The following PRKAR2B variants were observed in gnomAD, a reference collection of about 807,000 sequenced individuals.
The protein encoded by PRKAR2B is protein kinase cAMP-dependent type II regulatory subunit beta.
Under a neutral mutation model 49.9 loss-of-function variants are expected in PRKAR2B, and 14 were observed. That is an observed-to-expected ratio of 0.28 (90% CI 0.19 to 0.44). The LOEUF is 0.44. Ranked by LOEUF, PRKAR2B falls within the 20% of genes least tolerant of loss-of-function variation. The probability of loss-of-function intolerance (pLI) is 1.00; values close to 1 mark genes in which losing one functional copy is unlikely to be tolerated. For synonymous variants in PRKAR2B, 196 were observed against 197.7 expected, an observed-to-expected ratio of 0.99 and a Z score of 0.07; for missense variants, 393 against 537.9, an observed-to-expected ratio of 0.73 and a Z score of 2.67.
In PRKAR2B at chr7:107,094,971, A is replaced by T. The variant is rs190819420; in HGVS notation, c.343+24655A>T. ...TCCAGCTTTGTTCTTTTGACTTAGG[A>T]TTGTCTTGGCAATACGGGCTCTTTT... is the stretch of plus-strand genomic sequence containing the variant. On this transcript the variant is annotated intron_variant, in intron 2 of 10. Coordinates refer to ENST00000265717, the MANE Select transcript of PRKAR2B (RefSeq NM_002736.3). Among the ~76,000 whole-genome samples the T allele has an allele frequency of 3.7e-4, 57 of 152,112 alleles. No homozygotes were observed. The East Asian group carries it at 8.3e-3, about 22-fold the overall frequency.
At chr7:107,068,675 A>T (rs1024672754) in intron 1 of PRKAR2B, 1 of 152,122 alleles carries the variant, frequency 6.6e-6, no homozygotes, top group Non-Finnish European at 1.5e-5. Flanking sequence ...TATCTTGATA[A>T]TTGGGTTTAT....
chr7:107,080,153 G>A (rs1794488536), intron 2 of PRKAR2B, among the ~76,000 whole-genome samples: 2 of 152,152 alleles, frequency 1.3e-5, no homozygotes, highest in African/African-American at 4.8e-5. Flanking sequence ...TCTGTATGCC[G>A]TGGCTCTCGG....
chr7:107,094,842 G>C (rs979508158), intron 2 of PRKAR2B, among the ~76,000 whole-genome samples: 4 of 151,982 alleles, frequency 2.6e-5, no homozygotes, highest in Non-Finnish European at 5.9e-5. Context: ...ATTTCTGAGG[G>C]CTCTGTTCTG....
intron 1 of PRKAR2B, among the ~76,000 whole-genome samples, chr7:107,066,301 G>GGGGGGGTGT (rs147673007): frequency 5.4e-4 from 78 of 145,602 alleles, no homozygotes; most frequent in South Asian, 3.5e-3. Context: ...CTCTATGTGG[G>GGGGGGGTGT]GTGTGTGTGT....
chr7:107,065,534 C>G (rs1794121817), intron 1 of PRKAR2B, among the ~76,000 whole-genome samples: 1 of 152,124 alleles, frequency 6.6e-6, no homozygotes, highest in Admixed American at 6.6e-5. Flanking sequence ...ATTTCTCTTT[C>G]ACCTGCGGTA....
At chr7:107,051,578 T>G (rs1188172272) in intron 1 of PRKAR2B, among the ~76,000 whole-genome samples, 1 of 152,224 alleles carries the variant, frequency 6.6e-6, no homozygotes, top group East Asian at 1.9e-4. Flanking sequence ...TCAGACGGTT[T>G]CATTATGTAA....
chr7:107,059,625 A>G (rs1448622938), intron 1 of PRKAR2B, among the ~76,000 whole-genome samples: 1 of 151,926 alleles, frequency 6.6e-6, no homozygotes, highest in East Asian at 1.9e-4. Context: ...CCCTTGTATA[A>G]ATATACACTT....
intron 1 of PRKAR2B, among the ~76,000 whole-genome samples, chr7:107,046,505 G>T (rs1368556875): frequency 6.6e-6 from 1 of 152,164 alleles, no homozygotes; most frequent in Non-Finnish European, 1.5e-5. Context: ...GGAAATTAGT[G>T]CGCTGTGAAG....
chr7:107,149,894 G>A (rs1248323262), intron 6 of PRKAR2B, among the ~76,000 whole-genome samples: 1 of 151,880 alleles, frequency 6.6e-6, no homozygotes, highest in Non-Finnish European at 1.5e-5. Flanking sequence ...ATGCTTGAGG[G>A]GGCAGATACC....
chr7:107,045,232 C>A lies in PRKAR2B; in HGVS notation c.307+18C>A. ...GTTCAATGGTGAGGACCAGACCCCC[C>A]ACTTCGCGCCCCCGGATCCCCTCGC... On this transcript the variant is annotated intron_variant, in intron 1 of 10. Transcript: ENST00000265717. 7.1e-7 allele frequency: 1 copy of A among 1,404,802 alleles called. No individual in the cohort carries two copies. The highest frequency in any genetic ancestry group is 1.5e-5 in the South Asian group (1 of 65,266). The allele number at this position is 1,404,802 out of a possible 1,614,324, so 87.0% of individuals were successfully genotyped here.
intron 2 of PRKAR2B, chr7:107,078,182 T>C (rs1794438247): frequency 7.7e-6 from 1 of 129,532 alleles, no homozygotes; most frequent in Admixed American, 8.8e-5. Context: ...CAAGCCTGGA[T>C]GACAGAGTGA....
In PRKAR2B at chr7:107,159,566, T is replaced by C; in HGVS notation, c.1241T>C (p.Val414Ala). The C allele has an allele frequency of 6.2e-7, 1 of 1,614,090 alleles. No individual in the cohort carries two copies. Among genetic ancestry groups the C allele is most frequent in the South Asian group, 1.1e-5 (1 of 91,084 alleles). ...CTGTTTGGAACGAACATGGATATTG[T>C]TGAACCCACTGCATGAAGCAAAAGT... Reference protein sequence around the residue: ...VALFGTNMDIVEPTA With the variant: ...VALFGTNMDIAEPTA Residue 414 changes from valine to alanine, a missense_variant, in exon 11 of 11, where the codon GTT becomes GCT. Coordinates refer to ENST00000265717, the MANE Select transcript of PRKAR2B (RefSeq NM_002736.3).
At chr7:107,115,926 G>A (rs572129025) in intron 2 of PRKAR2B, among the ~76,000 whole-genome samples, 28 of 152,284 alleles carry the variant, frequency 1.8e-4, no homozygotes, top group African/African-American at 6.0e-4. Flanking sequence ...CTTCCAAATT[G>A]CAGAGGCTCC....
At chr7:107,124,796 A>T (rs926152688) in intron 3 of PRKAR2B, among the ~76,000 whole-genome samples, 4 of 151,368 alleles carry the variant, frequency 2.6e-5, no homozygotes, top group Non-Finnish European at 5.9e-5. Flanking sequence ...TTTTTTTTTT[A>T]ATGGAAAGGC....
chr7:107,078,053 T>C (rs1313574244), intron 2 of PRKAR2B: 1 of 151,840 alleles, frequency 6.6e-6, no homozygotes, highest in Non-Finnish European at 1.5e-5. Flanking sequence ...AATATAAAAA[T>C]TAGCTGGGCG....
At chr7:107,142,882 C>T (rs897602545) in intron 5 of PRKAR2B, among the ~76,000 whole-genome samples, 1 of 152,040 alleles carries the variant, frequency 6.6e-6, no homozygotes, top group East Asian at 1.9e-4. Context: ...CCTGCCTCAG[C>T]CTGCGGAGTA....
At chr7:107,103,572 C>T (rs1299148533) in intron 2 of PRKAR2B, among the ~76,000 whole-genome samples, 2 of 152,192 alleles carry the variant, frequency 1.3e-5, no homozygotes, top group Non-Finnish European at 2.9e-5. Flanking sequence ...CGCAAACAGA[C>T]CAGCAAACTA....
intron 1 of PRKAR2B, among the ~76,000 whole-genome samples, chr7:107,057,875 G>A (rs1426081352): frequency 1.3e-5 from 2 of 152,158 alleles, no homozygotes; most frequent in Non-Finnish European, 1.5e-5. Flanking sequence ...ATATAAGCTA[G>A]AGATTGCTCT....
rs924762406 is a variant in PRKAR2B, at chr7:107,098,574, T to C, written c.344-23378T>C. Among the ~76,000 whole-genome samples the C allele has an allele frequency of 1.4e-4, 22 of 152,234 alleles. 2 individuals are homozygous for C. On this transcript the variant is annotated intron_variant, in intron 2 of 10. Transcript: ENST00000265717. ...TGTTGGTGGCGAGGAGCTGTGTTCT[T>C]TTGGAGGAGAAGAGGCGCTCTGATT...
Sources: gnomAD v4.1 joint callset for allele counts (sites outside exome capture counted in the v4.1 genomes callset) on GRCh38, gnomAD v4.1.1 for gene constraint, MANE v1.5 for transcripts, NCBI Gene and HGNC (gene_info 2026-07-23, HGNC 2026-07-21) for gene names.